Variants in COQ8A observed in about 807,000 individuals in gnomAD.
COQ8A encodes the protein coenzyme Q8A.
A neutral mutation model predicts 65.0 loss-of-function variants in COQ8A; 51 were observed. That is an observed-to-expected ratio of 0.78 (90% confidence interval 0.63 to 0.99). The LOEUF (loss-of-function observed/expected upper bound fraction) is 0.99, where lower values mean the gene tolerates loss of function less well. Ranked by LOEUF, COQ8A falls within the 50% of genes least tolerant of loss-of-function variation. The pLI, the probability that COQ8A is intolerant of heterozygous loss-of-function variation, is 0.00. For synonymous variants in COQ8A, 371 were observed against 353.2 expected, an observed-to-expected ratio of 1.05 and a Z score of -0.57; for missense variants, 940 against 875.0, an observed-to-expected ratio of 1.07 and a Z score of -0.94.
At chr1:226,965,574 G>A (rs1658513350) in intron 3 of COQ8A, 97 bp from the exon 4 acceptor site, 1 of 1,523,596 alleles carries the variant, frequency 6.6e-7, no homozygotes, top group Non-Finnish European at 9.1e-7. Flanking sequence ...GCTGCTGACT[G>A]TGGGGTGGAG....
chr1:226,977,636 A>G, intron 5 of COQ8A, 113 bp downstream of exon 5: 3 of 1,205,910 alleles, frequency 2.5e-6, no homozygotes, highest in South Asian at 1.4e-5. Flanking sequence ...CCGCATTTGC[A>G]TGGGGTTCCA....
intron 1 of COQ8A, among the ~76,000 whole-genome samples, chr1:226,944,766 AGAGAGAGAGAGT>A (rs1656923221): frequency 7.2e-4 from 45 of 62,792 alleles, no homozygotes; most frequent in African/African-American, 3.0e-3. Flanking sequence ...AGAGAGAGTG[AGAGAGAGAGAGT>A]GAGAGAGAGA....
At chr1:226,944,222 C>T (rs1232291059) in intron 1 of COQ8A, among the ~76,000 whole-genome samples, 1 of 151,862 alleles carries the variant, frequency 6.6e-6, no homozygotes. Flanking sequence ...TCAGGTGTCA[C>T]AGAGGGGCAG....
rs1178446696 is a variant in COQ8A at position 226,946,389 on chromosome 1, T to C, written c.-10+5990T>C. Among the ~76,000 whole-genome samples the C allele has an allele frequency of 6.6e-6, 1 of 152,020 alleles. No individual in the cohort carries two copies. Among genetic ancestry groups the C allele is most frequent in the Non-Finnish European group, 1.5e-5 (1 of 68,010 alleles). On this transcript the variant is annotated intron_variant, in intron 1 of 14. Coordinates refer to ENST00000366777, the MANE Select transcript of COQ8A (RefSeq NM_020247.5). This position sits in a 1 kb window ranked among gnomAD's most constrained non-coding sequence, Gnocchi z 5.3. ...CAGGATGTGGAAGCTGGAAAACCTG[T>C]GTGGGTGTTGGGCGGGGCCGGGGGT...
Position 226,949,582 on chromosome 1 carries a change from A to G in COQ8A, c.-10+9183A>G, listed in dbSNP as rs77579576. ...TCTCCTGAATGATGCCTCATACCAC[A>G]GCACTAAATAAACCACACTGGTCCT... On this transcript the variant is annotated intron_variant, in intron 1 of 14. Transcript: ENST00000366777. This position sits in a 1 kb window ranked among gnomAD's most constrained non-coding sequence, Gnocchi z 4.0. Among the ~76,000 whole-genome samples, 388 of 152,232 alleles carry G rather than the reference A, an allele frequency of 2.5e-3. 12 individuals are homozygous for G. In the East Asian group the frequency reaches 0.061, roughly 24 times the overall value.
At chr1:226,980,047 A>G (rs1659594871) in intron 5 of COQ8A, among the ~76,000 whole-genome samples, 2 of 152,182 alleles carry the variant, frequency 1.3e-5, no homozygotes, top group African/African-American at 4.8e-5. Flanking sequence ...AGGCATTGTT[A>G]GCCCTGAGAG....
At chr1:226,961,190 G>C (rs1658233207) in intron 1 of COQ8A, among the ~76,000 whole-genome samples, 187 bp from the exon 2 acceptor site, 1 of 152,170 alleles carries the variant, frequency 6.6e-6, no homozygotes, top group African/African-American at 2.4e-5. Context: ...CCATTCCCCT[G>C]GAGTGTCCAG....
chr1:226,965,711 G>C lies in COQ8A; in HGVS notation c.629G>C (p.Arg210Thr). ...CGGGAGCGGAAGGTGCCTGTGACGA[G>C]GATTGGCCGGCTGGCCAACTTCGGA... ...HARERKVPVT[R>T]IGRLANFGGL... The change falls in exon 4 of 15, where the codon AGG (arginine) becomes ACG (threonine). Residue 210 changes from arginine (R) to threonine (T), a missense_variant. Transcript: ENST00000366777. The C allele has an allele frequency of 6.2e-7, 1 of 1,614,014 alleles. No individual in the cohort carries two copies. Among genetic ancestry groups the C allele is most frequent in the South Asian group, 1.1e-5 (1 of 91,062 alleles).
Position 226,982,668 on chromosome 1 carries a change from T to G in COQ8A, c.854-10T>G. The G allele has an allele frequency of 6.2e-7, 1 of 1,612,872 alleles. No homozygotes were observed. The highest frequency in any genetic ancestry group is 8.5e-7 in the Non-Finnish European group (1 of 1,179,934). On this transcript the variant is annotated splice_polypyrimidine_tract_variant and intron_variant, in intron 6 of 14. Transcript: ENST00000366777. ...CCAGGTTCGCCCTGTGTCATTCTCC[T>G]GCCTTCCAGATGATGCCTTTATCAA...
rs1660146553 is a variant in COQ8A, at chr1:226,986,753, C to G, written c.*16C>G. 1.9e-6 allele frequency: 3 copies of G among 1,610,218 alleles called. No individual in the cohort carries two copies. In the African/African-American group the frequency reaches 4.0e-5, roughly 21 times the overall value. On this transcript the variant is annotated 3_prime_UTR_variant, in exon 15 of 15. Coordinates refer to ENST00000366777, the MANE Select transcript of COQ8A (RefSeq NM_020247.5). Reference sequence around the variant, plus strand: ...CCAGCAGTAGGGCTGCGGGCCACGCCCAGGCCGGCTCCGCGGGAACTCTCT... The same window carrying G: ...CCAGCAGTAGGGCTGCGGGCCACGCGCAGGCCGGCTCCGCGGGAACTCTCT...
In COQ8A at chr1:226,966,361, G is replaced by T. The variant is rs117873389; in HGVS notation, c.655+624G>T. Among the ~76,000 whole-genome samples, 245 of 152,328 alleles carry T rather than the reference G, an allele frequency of 1.6e-3. 4 individuals are homozygous for T. In the East Asian group the frequency reaches 0.044, roughly 27 times the overall value. ...AGTTGAAGGGTGATTTTATAGTGAA[G>T]GTTTATAGCAGTTGTGTCTGCTTTG... is the stretch of plus-strand genomic sequence containing the variant. On this transcript the variant is annotated intron_variant, in intron 4 of 14. Transcript: ENST00000366777.
At chr1:226,974,344 A>C (rs572909732) in intron 4 of COQ8A, among the ~76,000 whole-genome samples, 2 of 152,228 alleles carry the variant, frequency 1.3e-5, no homozygotes, top group African/African-American at 4.8e-5. Context: ...GGCTGCTCAC[A>C]GTGGCTTTAG....
chr1:226,965,464 T>C (rs1238021549), intron 3 of COQ8A, 54 bp downstream of exon 3: 20 of 1,584,394 alleles, frequency 1.3e-5, no homozygotes, highest in Admixed American at 1.9e-5. Flanking sequence ...ACAGCAGTGA[T>C]GGCCTTGGGC....
chr1:226,977,668 G>A, intron 5 of COQ8A, 145 bp downstream of exon 5: 1 of 883,698 alleles, frequency 1.1e-6, no homozygotes, highest in South Asian at 1.6e-5. Flanking sequence ...TCCCTGGGGT[G>A]ATGAGGCTGT....
At position 226,965,709 on chromosome 1, in the gene COQ8A, G is replaced by A. The variant is rs751760028; in HGVS notation, c.627G>A (p.Thr209=). The A allele has an allele frequency of 9.9e-6, 16 of 1,613,898 alleles. No homozygotes were observed. Among genetic ancestry groups the A allele is most frequent in the African/African-American group, 2.7e-5 (2 of 74,946 alleles). The change falls in exon 4 of 15, where the codon ACG becomes ACA. Residue 209 remains threonine, a synonymous_variant. Coordinates refer to ENST00000366777, the MANE Select transcript of COQ8A (RefSeq NM_020247.5). ...CCCGGGAGCGGAAGGTGCCTGTGAC[G>A]AGGATTGGCCGGCTGGCCAACTTCG... ...EHARERKVPV[T]RIGRLANFGG...
intron 1 of COQ8A, among the ~76,000 whole-genome samples, chr1:226,960,332 G>GA (rs1245044696): frequency 4.1e-4 from 15 of 37,004 alleles, no homozygotes; most frequent in Non-Finnish European, 6.0e-4. Context: ...GGTGGTATCA[G>GA]TGGTACTTGG....
Position 226,949,759 on chromosome 1 carries a change from C to A in COQ8A, c.-10+9360C>A, listed in dbSNP as rs573705865. ...TGTCTGTGTGCTTGCAATACTACTA[C>A]TAATAATAATGGCATTAGCTAATGG... On this transcript the variant is annotated intron_variant, in intron 1 of 14. Transcript: ENST00000366777. This position sits in a 1 kb window ranked among gnomAD's most constrained non-coding sequence, Gnocchi z 4.0. Among the ~76,000 whole-genome samples the A allele has an allele frequency of 2.0e-5, 3 of 152,328 alleles. No individual in the cohort carries two copies. In the South Asian group the frequency reaches 6.2e-4, roughly 32 times the overall value.
chr1:226,941,517 A>G (rs1247708633), intron 1 of COQ8A, among the ~76,000 whole-genome samples: 1 of 152,156 alleles, frequency 6.6e-6, no homozygotes, highest in African/African-American at 2.4e-5. Flanking sequence ...CTGTAATCCC[A>G]GCACTTTGGG....
At chr1:226,941,765 ACTCAAT>A (rs1412460247) in intron 1 of COQ8A, among the ~76,000 whole-genome samples, 2 of 147,284 alleles carry the variant, frequency 1.4e-5, no homozygotes, top group African/African-American at 5.1e-5. Context: ...ACAGAGCGAG[ACTCAAT>A]CTCAAAAAAA....
Sources: gnomAD v4.1 joint callset for allele counts (sites outside exome capture counted in the v4.1 genomes callset) on GRCh38, gnomAD v4.1.1 for gene constraint, Gnocchi (gnomAD v3.1) non-coding constraint, MANE v1.5 for transcripts, NCBI Gene and HGNC (gene_info 2026-07-23, HGNC 2026-07-21) for gene names.